RFC1: variants seen among roughly 807,000 people sequenced by gnomAD.
The protein encoded by RFC1 is replication factor C subunit 1, also known as A1 140 kDa subunit.
A neutral mutation model predicts 137.4 loss-of-function variants in RFC1; 37 were observed. The observed-to-expected ratio is 0.27, with a 90% CI of 0.21 to 0.35. The LOEUF is 0.35. Among genes scored for constraint, RFC1 ranks in the 10% least tolerant of loss-of-function variants. RFC1 has a pLI of 1.00. For synonymous variants in RFC1, 429 were observed against 455.7 expected (o/e 0.94, Z 0.75); for missense variants, 1,205 against 1,358.5 (o/e 0.89, Z 1.78).
chr4:39,327,658 T>C lies in RFC1; in HGVS notation c.430A>G (p.Asn144Asp). ...TTCTTGGTCTTAGTGTTTTCTTCATTCTTTTTCATGTTTGATGTTCCAAGA... is the reference window on the plus strand; with the variant it reads ...TTCTTGGTCTTAGTGTTTTCTTCATCCTTTTTCATGTTTGATGTTCCAAGA... ...SHLGTSNMKK[N>D]EENTKTKNKP... The change falls in exon 5 of 25, where the codon AAT (asparagine) becomes GAT (aspartate). Residue 144 changes from asparagine to aspartate, a missense_variant. Asn to Asp is a conservative substitution (Grantham distance 23, BLOSUM62 1). Transcript: ENST00000349703. 6.2e-7 allele frequency: 1 copy of C among 1,613,754 alleles called. No homozygotes were observed. Among genetic ancestry groups the C allele is most frequent in the Non-Finnish European group, 8.5e-7 (1 of 1,179,860 alleles).
rs28718786 is a variant in RFC1 at position 39,298,881 on chromosome 4, G to A, written c.2808+1140C>T. On this transcript the variant is annotated intron_variant, in intron 21 of 24. Transcript: ENST00000349703. ...TGCCTGTAATCCCAGCACTTTGGAA[G>A]GCCAAGGCGGGCGGATCACGAGGTC... is the stretch of plus-strand genomic sequence containing the variant. Among the ~76,000 whole-genome samples the A allele has an allele frequency of 6.6e-3, 1,005 of 152,280 alleles. 16 individuals carry two copies. Among genetic ancestry groups the A allele is most frequent in the African/African-American group, 0.023 (948 of 41,552 alleles).
chr4:39,293,888 A>G (rs1411477275), intron 22 of RFC1, among the ~76,000 whole-genome samples: 1 of 152,108 alleles, frequency 6.6e-6, no homozygotes, highest in Non-Finnish European at 1.5e-5. Flanking sequence ...CAATGAGAAG[A>G]GCCATGGGGA....
chr4:39,320,437 C>A lies in RFC1; in HGVS notation c.1041G>T (p.Leu347Phe). The A allele has an allele frequency of 1.3e-6, 2 of 1,561,786 alleles. No homozygotes were observed. Among genetic ancestry groups the A allele is most frequent in the Non-Finnish European group, 1.7e-6 (2 of 1,161,772 alleles). The change falls in exon 9 of 25, where the codon TTG becomes TTT. Residue 347 changes from leucine to phenylalanine, a missense_variant. Transcript: ENST00000349703. ...TCTTAGGAGTTTTTGTCTCTCCTTT[C>A]AATTTAATGGCATTTTCTTTTCTTT... ...ASKRKENAIK[L>F]KGETKTPKKT...
chr4:39,315,371 T>G (rs1432229629), intron 10 of RFC1, among the ~76,000 whole-genome samples: 1 of 152,250 alleles, frequency 6.6e-6, no homozygotes, highest in African/African-American at 2.4e-5. Context: ...CTTCTCAGTT[T>G]CCTTTTGGTT....
At chr4:39,350,355 A>C (rs1741124659) in intron 2 of RFC1, among the ~76,000 whole-genome samples, 1 of 152,162 alleles carries the variant, frequency 6.6e-6, no homozygotes, top group South Asian at 2.1e-4. Context: ...AAATGTTCCC[A>C]ATTTTGATAA....
chr4:39,326,648 T>C lies in RFC1; in HGVS notation c.565-8A>G. ...ATCTGTATTTTGTGAAAGCTATATT[T>C]CAAAGAAAATCAAGCAAAATCAGCA... On this transcript the variant is annotated splice_region_variant and splice_polypyrimidine_tract_variant and intron_variant, in intron 5 of 24. Transcript: ENST00000349703. 3.1e-6 allele frequency: 5 copies of C among 1,606,206 alleles called. No individual in the cohort carries two copies. Among genetic ancestry groups the C allele is most frequent in the Non-Finnish European group, 4.3e-6 (5 of 1,174,788 alleles).
At chr4:39,351,280 A>ATT in intron 2 of RFC1, 68 bp downstream of exon 2, 7 of 537,128 alleles carry the variant, frequency 1.3e-5, no homozygotes, top group Non-Finnish European at 1.9e-5. Flanking sequence ...AAAAAAAAAA[A>ATT]AAAAACTTAT....
chr4:39,320,695 T>C (rs748563602), intron 8 of RFC1, 26 bp from the exon 9 acceptor site: 1 of 1,539,336 alleles, frequency 6.5e-7, no homozygotes, highest in African/African-American at 1.4e-5. Context: ...AGATTATGGT[T>C]GTTGTTTTTG....
At chr4:39,349,986 G>A (rs1226769854) in intron 2 of RFC1, among the ~76,000 whole-genome samples, 1 of 152,118 alleles carries the variant, frequency 6.6e-6, no homozygotes, top group African/African-American at 2.4e-5. Flanking sequence ...CCTGGGCAAT[G>A]AGAGCAAAAC....
chr4:39,324,701 TAAATGGTTGAGAC>T (rs955510909), intron 6 of RFC1, among the ~76,000 whole-genome samples: 4 of 152,140 alleles, frequency 2.6e-5, no homozygotes, highest in Non-Finnish European at 4.4e-5. Flanking sequence ...GAGTGAGACA[TAAATGGTTGAGAC>T]AAATGGTTGA....
At position 39,317,040 on chromosome 4, in the gene RFC1, G is replaced by A. The variant is rs1739274138; in HGVS notation, c.1096-18C>T. 2 of 1,515,864 alleles carry A rather than the reference G, an allele frequency of 1.3e-6. No homozygotes were observed. Among genetic ancestry groups the A allele is most frequent in the Non-Finnish European group, 1.8e-6 (2 of 1,092,232 alleles). The allele number at this position is 1,515,864 out of a possible 1,614,324, so 93.9% of individuals were successfully genotyped here. A position where few individuals can be genotyped will look rare whatever the true frequency, so the allele number is the denominator to read the frequency against. On this transcript the variant is annotated intron_variant, in intron 9 of 24. Coordinates refer to ENST00000349703, the MANE Select transcript of RFC1 (RefSeq NM_002913.5). ...CTTACAGACTTTGGGAACAGGGAAA[G>A]GAAAATGAACAAAGTCATACAGAAT...
Position 39,306,701 on chromosome 4 carries a change from G to C in RFC1, c.1886C>G (p.Ala629Gly), listed in dbSNP as rs760243930. The C allele has an allele frequency of 2.2e-5, 35 of 1,602,386 alleles. No individual in the cohort carries two copies. Among genetic ancestry groups the C allele is most frequent in the Non-Finnish European group, 2.8e-5 (33 of 1,169,578 alleles). The change falls in exon 14 of 25, where the codon GCA becomes GGA. Residue 629 changes from alanine to glycine, a missense_variant and splice_region_variant. Ala to Gly is a moderately conservative substitution (Grantham distance 60). Around this residue, in one of 3 missense-constraint regions of RFC1, gnomAD observed 962 missense variants for 1,035.3 expected, o/e 0.93. Coordinates refer to ENST00000349703, the MANE Select transcript of RFC1 (RefSeq NM_002913.5). ...QKSSSEDKKH[A>G]KFGKFSGKDD... ...TTTGCCGGAAAATTTACCAAACTTT[G>C]CTGCTAGGAAAAAAGAAGTTCCAGA... is the stretch of plus-strand genomic sequence containing the variant.
At chr4:39,344,876 T>TG (rs1740771062) in intron 3 of RFC1, among the ~76,000 whole-genome samples, 2 of 152,250 alleles carry the variant, frequency 1.3e-5, no homozygotes, top group African/African-American at 2.4e-5. Context: ...TGAAGGAATC[T>TG]TTAATACAAA....
Position 39,342,325 on chromosome 4 carries a change from A to G in RFC1, c.331+20T>C. 1 of 1,607,516 alleles carries G rather than the reference A, an allele frequency of 6.2e-7. No individual in the cohort carries two copies. The highest frequency in any genetic ancestry group is 8.5e-7 in the Non-Finnish European group (1 of 1,176,030). ...GAACATAACACACACGGCATCTCAT[A>G]TACCACAATGCAACCTTACCTGTTT... On this transcript the variant is annotated intron_variant, in intron 4 of 24. Coordinates refer to ENST00000349703, the MANE Select transcript of RFC1 (RefSeq NM_002913.5).
Position 39,288,796 on chromosome 4 carries a change from G to C in RFC1, c.3409C>G (p.Pro1137Ala). 6.2e-7 allele frequency: 1 copy of C among 1,611,884 alleles called. No individual in the cohort carries two copies. Among genetic ancestry groups the C allele is most frequent in the South Asian group, 1.1e-5 (1 of 90,852 alleles). ...GAACTTTTTCCTTTTCCTTTTCTGGGCTCCTTATCTTTTTCTGGTTTTGAA... is the reference window on the plus strand; with the variant it reads ...GAACTTTTTCCTTTTCCTTTTCTGGCCTCCTTATCTTTTTCTGGTTTTGAA... ...KPSKPEKDKE[P>A]RKGKGKSSKK Residue 1137 changes from proline to alanine, a missense_variant, in exon 25 of 25, where the codon CCC becomes GCC. Physicochemically the swap from Pro to Ala is conservative, Grantham distance 27 (BLOSUM62 -1). Coordinates refer to ENST00000349703, the MANE Select transcript of RFC1 (RefSeq NM_002913.5).
intron 15 of RFC1, 54 bp downstream of exon 15, chr4:39,304,760 A>C: frequency 9.8e-7 from 1 of 1,019,286 alleles, no homozygotes; most frequent in Non-Finnish European, 1.6e-6. Flanking sequence ...CTGAACATTG[A>C]AATGAACATA....
chr4:39,326,732 G>C (rs1286557760), intron 5 of RFC1, 92 bp from the exon 6 acceptor site: 1 of 923,792 alleles, frequency 1.1e-6, no homozygotes, highest in Non-Finnish European at 1.7e-6. Context: ...AAATACACCA[G>C]TGAGAGATAA....
In RFC1 at chr4:39,304,516, A is replaced by G. The variant is rs537442760; in HGVS notation, c.2110+298T>C. On this transcript the variant is annotated intron_variant, in intron 15 of 24. Transcript: ENST00000349703. ...GAGGTAATAAGTCACACTGCATTAC[A>G]CATGGTTTTTTATTTTCTTTCTCTC... Among the ~76,000 whole-genome samples, 35 of 152,340 alleles carry G rather than the reference A, an allele frequency of 2.3e-4. No homozygotes were observed. In the South Asian group the frequency reaches 6.4e-3, roughly 28 times the overall value.
At position 39,308,589 on chromosome 4, in the gene RFC1, CAT is replaced by C. The variant is rs17288405; in HGVS notation, c.1885+45_1885+46del. ...TCATATATGTGCCACTGAGCAATCA[CAT>C]GTTGATATACACACACACAAAAATG... On this transcript the variant is annotated intron_variant, in intron 13 of 24. Coordinates refer to ENST00000349703, the MANE Select transcript of RFC1 (RefSeq NM_002913.5). The C allele has an allele frequency of 3.1e-4, 489 of 1,563,984 alleles. 4 individuals are homozygous for C. The East Asian group carries it at 8.3e-3, about 27-fold the overall frequency.
Sources: gnomAD v4.1 joint callset for allele counts (sites outside exome capture counted in the v4.1 genomes callset) on GRCh38, gnomAD v4.1.1 for gene constraint, gnomAD v4.1.1 regional missense constraint, MANE v1.5 for transcripts, NCBI Gene and HGNC (gene_info 2026-07-23, HGNC 2026-07-21) for gene names.